The following MRPS6 variants were observed in gnomAD, a reference collection of about 807,000 sequenced individuals.
MRPS6 encodes small ribosomal subunit protein bS6m.
MRPS6 carries 6 observed loss-of-function variants against 13.1 expected under a neutral mutation model. That is an observed-to-expected ratio of 0.46 (90% CI 0.25 to 0.91). The LOEUF is 0.91. MRPS6 is among the 40% of genes least tolerant of loss of function. The pLI is 0.18. For missense variants in MRPS6, 164 were observed against 155.6 expected (o/e 1.05, Z -0.29); for synonymous variants, 61 against 56.5 (o/e 1.08, Z -0.36).
chr21:34,104,942 C>T (rs1471743866), intron 1 of MRPS6: 1 of 999,304 alleles, frequency 1.0e-6, no homozygotes. Context: ...CTTTAATTAG[C>T]CTAGGTGAAA....
chr21:34,136,036 C>T, intron 2 of MRPS6: 1 of 270,196 alleles, frequency 3.7e-6, no homozygotes, highest in Non-Finnish European at 7.2e-6. Context: ...TGTCAGGGGT[C>T]TCTACCACTG....
intron 1 of MRPS6, among the ~76,000 whole-genome samples, chr21:34,078,355 A>T (rs1403686213): frequency 6.6e-6 from 1 of 152,136 alleles, no homozygotes; most frequent in Non-Finnish European, 1.5e-5. Context: ...AGAAGGAAGG[A>T]GTCCTGTTCC....
intron 1 of MRPS6, chr21:34,105,371 C>G (rs1979431489): frequency 1.0e-6 from 1 of 999,190 alleles, no homozygotes; most frequent in South Asian, 4.7e-5. Context: ...TAGTCTTCTT[C>G]AAGAAGAAAA....
chr21:34,139,493 G>A (rs1365461697), intron 2 of MRPS6, among the ~76,000 whole-genome samples: 2 of 151,998 alleles, frequency 1.3e-5, no homozygotes, highest in Non-Finnish European at 2.9e-5. Flanking sequence ...TAAGATATAG[G>A]GCCATTCAAG....
chr21:34,120,273 C>T (rs1980073816), intron 1 of MRPS6, among the ~76,000 whole-genome samples: 1 of 152,162 alleles, frequency 6.6e-6, no homozygotes, highest in African/African-American at 2.4e-5. Context: ...ATTAATCCAA[C>T]AGCCATCCTG....
At chr21:34,124,336 C>T (rs1980224903) in intron 1 of MRPS6, 1 of 152,190 alleles carries the variant, frequency 6.6e-6, no homozygotes, top group Admixed American at 6.5e-5. Context: ...CTCCACATTG[C>T]ATTCGTTGCA....
Position 34,096,103 on chromosome 21 carries a change from C to T in MRPS6, c.45+22358C>T. 1 of 1,614,134 alleles carries T rather than the reference C, an allele frequency of 6.2e-7. No individual in the cohort carries two copies. The highest frequency in any genetic ancestry group is 8.5e-7 in the Non-Finnish European group (1 of 1,179,994). ...CATGCCAAAGGCTCTACTCTTATGG[C>T]TGGCTTCTTAAAGCTCCTGCCAATG... On this transcript the variant is annotated intron_variant, in intron 1 of 2. Coordinates refer to ENST00000399312, the MANE Select transcript of MRPS6 (RefSeq NM_032476.4). The surrounding 1 kb of genome is among the most constrained non-coding windows in gnomAD (Gnocchi z 5.9).
At chr21:34,119,708 G>A (rs112524182) in intron 1 of MRPS6, among the ~76,000 whole-genome samples, 156 of 152,298 alleles carry the variant, frequency 1.0e-3, no homozygotes, top group African/African-American at 3.7e-3. Flanking sequence ...GCTTAAAACT[G>A]TCTTTCCCAT....
intron 1 of MRPS6, among the ~76,000 whole-genome samples, chr21:34,120,261 A>T (rs963927112): frequency 2.6e-5 from 4 of 152,178 alleles, no homozygotes; most frequent in Non-Finnish European, 2.9e-5. Context: ...ACCCATGCAG[A>T]TATTAATCCA....
chr21:34,105,605 A>G (rs531849061), intron 1 of MRPS6: 1 of 1,000,052 alleles, frequency 1.0e-6, no homozygotes, highest in South Asian at 4.7e-5. Flanking sequence ...CTGGGGGTGT[A>G]TATTGTGTAC....
At chr21:34,103,553 A>G in intron 1 of MRPS6, 1 of 1,000,234 alleles carries the variant, frequency 1.0e-6, no homozygotes, top group Non-Finnish European at 1.2e-6. Context: ...CATGATAGAA[A>G]GCTAAAGTCC....
chr21:34,077,871 C>A (rs564531678), intron 1 of MRPS6, among the ~76,000 whole-genome samples: 23 of 152,200 alleles, frequency 1.5e-4, no homozygotes, highest in African/African-American at 4.1e-4. Context: ...TAAATGCAAG[C>A]CTTTTTTGAT....
At chr21:34,130,003 T>G (rs1980445597) in intron 2 of MRPS6, among the ~76,000 whole-genome samples, 1 of 152,240 alleles carries the variant, frequency 6.6e-6, no homozygotes. Flanking sequence ...GAAGCCTGAA[T>G]GCAACAAGGT....
At chr21:34,139,273 A>G (rs142734050) in intron 2 of MRPS6, among the ~76,000 whole-genome samples, 1,534 of 151,812 alleles carry the variant, frequency 0.01, 21 homozygotes, top group Non-Finnish European at 0.017. Flanking sequence ...CCAGCATGGC[A>G]CATGTATACA....
chr21:34,114,447 C>CT (rs2148665675), intron 1 of MRPS6, among the ~76,000 whole-genome samples: 1 of 152,212 alleles, frequency 6.6e-6, no homozygotes, highest in African/African-American at 2.4e-5. Flanking sequence ...AGCTAGCTTC[C>CT]TACTAGAGTG....
chr21:34,099,127 T>C, intron 1 of MRPS6: 2 of 999,600 alleles, frequency 2.0e-6, no homozygotes, highest in Non-Finnish European at 2.4e-6. Context: ...ACTGAGTCTG[T>C]AAATGAAAAA....
At chr21:34,129,449 C>T (rs1025688742) in intron 2 of MRPS6, among the ~76,000 whole-genome samples, 26 of 152,188 alleles carry the variant, frequency 1.7e-4, no homozygotes, top group Admixed American at 1.4e-3. Context: ...TGTATAAGAA[C>T]TCTTAAGTAG....
Position 34,096,179 on chromosome 21 carries a change from T to G in MRPS6, c.45+22434T>G. ...TTTCCAGGATACTGTTTACTGATGATATAGCTTGCATCAACCCAGAGCACT... is the reference window on the plus strand; with the variant it reads ...TTTCCAGGATACTGTTTACTGATGAGATAGCTTGCATCAACCCAGAGCACT... On this transcript the variant is annotated intron_variant, in intron 1 of 2. Coordinates refer to ENST00000399312, the MANE Select transcript of MRPS6 (RefSeq NM_032476.4). This position sits in a 1 kb window ranked among gnomAD's most constrained non-coding sequence, Gnocchi z 5.9. 6.2e-7 allele frequency: 1 copy of G among 1,614,184 alleles called. No homozygotes were observed. The highest frequency in any genetic ancestry group is 8.5e-7 in the Non-Finnish European group (1 of 1,179,990).
intron 1 of MRPS6, among the ~76,000 whole-genome samples, chr21:34,112,617 T>G (rs1347875550): frequency 6.6e-6 from 1 of 152,112 alleles, no homozygotes; most frequent in African/African-American, 2.4e-5. Flanking sequence ...CTCAGACAAT[T>G]ACTTACCTAC....
Sources: allele counts gnomAD v4.1 joint callset (sites outside exome capture counted in the v4.1 genomes callset), GRCh38; gene constraint gnomAD v4.1.1; non-coding constraint Gnocchi (gnomAD v3.1); transcripts MANE v1.5; gene names NCBI Gene and HGNC (gene_info 2026-07-23, HGNC 2026-07-21).